Variants in VIT observed in about 807,000 individuals in gnomAD.
VIT encodes the protein vitrin.
In VIT, 99 loss-of-function variants were observed where a neutral mutation model predicts 78.0. The ratio of observed to expected loss-of-function variants is 1.27; its 90% CI spans 1.08 to 1.50. VIT has a LOEUF of 1.50. VIT is among the 40% of genes most tolerant of loss of function. VIT has a pLI of 0.00. For synonymous variants in VIT, 374 were observed against 334.3 expected, an observed-to-expected ratio of 1.12 and a Z score of -1.29; for missense variants, 1,126 against 875.3, an observed-to-expected ratio of 1.29 and a Z score of -3.61.
At chr2:36,779,473 G>C (rs1664585448) in intron 9 of VIT, among the ~76,000 whole-genome samples, 1 of 152,164 alleles carries the variant, frequency 6.6e-6, no homozygotes, top group Admixed American at 6.5e-5. Flanking sequence ...TTTCCAACTT[G>C]TATTCTAAGC....
intron 2 of VIT, among the ~76,000 whole-genome samples, chr2:36,724,462 A>T (rs1488140963): frequency 6.6e-6 from 1 of 152,182 alleles, no homozygotes; most frequent in Non-Finnish European, 1.5e-5. Context: ...TAGGAAAACG[A>T]ACACAAGACT....
At chr2:36,735,021 G>A (rs374401810) in intron 3 of VIT, among the ~76,000 whole-genome samples, 27 of 152,042 alleles carry the variant, frequency 1.8e-4, no homozygotes, top group East Asian at 7.7e-4. Flanking sequence ...AAAATTTGCC[G>A]GGCGTGGTGG....
intron 6 of VIT, among the ~76,000 whole-genome samples, chr2:36,766,177 T>A (rs1669417571): frequency 6.6e-6 from 1 of 152,084 alleles, no homozygotes; most frequent in African/African-American, 2.4e-5. Flanking sequence ...ACTACAGCGG[T>A]GTTTAAAAGG....
chr2:36,780,611 A>C (rs1664681964), intron 9 of VIT, among the ~76,000 whole-genome samples: 1 of 152,194 alleles, frequency 6.6e-6, no homozygotes, highest in East Asian at 1.9e-4. Context: ...ACTAGATTAA[A>C]CTCAGGTCTC....
chr2:36,813,037 A>T (rs1298107628), intron 15 of VIT, among the ~76,000 whole-genome samples: 1 of 14,512 alleles, frequency 6.9e-5, no homozygotes, highest in African/African-American at 1.6e-4. Context: ...AATTTTTTGC[A>T]AAAAAAAAAA....
chr2:36,735,973 T>C (rs981210261), intron 3 of VIT, among the ~76,000 whole-genome samples: 10 of 152,196 alleles, frequency 6.6e-5, no homozygotes, highest in Non-Finnish European at 1.5e-4. Context: ...GAAACGTAAG[T>C]TAATGACTTA....
At chr2:36,743,391 T>G in intron 4 of VIT, 135 bp downstream of exon 4, 2 of 1,022,614 alleles carry the variant, frequency 2.0e-6, no homozygotes, top group Non-Finnish European at 1.3e-6. Flanking sequence ...TTAATCTTCA[T>G]TTAAAAAGTG....
chr2:36,728,435 T>C (rs1321208943), intron 2 of VIT, among the ~76,000 whole-genome samples: 1 of 152,110 alleles, frequency 6.6e-6, no homozygotes, highest in Non-Finnish European at 1.5e-5. Context: ...AGCTAAGCGT[T>C]ATTACAAAAG....
intron 13 of VIT, among the ~76,000 whole-genome samples, chr2:36,803,410 G>A (rs1666471555): frequency 6.6e-6 from 1 of 152,204 alleles, no homozygotes; most frequent in South Asian, 2.1e-4. Flanking sequence ...CTGGAAGGTG[G>A]ATGGAATGTG....
At chr2:36,774,118 TACAG>T (rs1384978358) in intron 8 of VIT, among the ~76,000 whole-genome samples, 1 of 152,148 alleles carries the variant, frequency 6.6e-6, no homozygotes. Flanking sequence ...ACCGGGCTCT[TACAG>T]ACCTGAAAAG....
At chr2:36,808,354 C>T in intron 14 of VIT, 118 bp from the exon 15 acceptor site, 1 of 1,342,470 alleles carries the variant, frequency 7.4e-7, no homozygotes, top group Non-Finnish European at 1.0e-6. Context: ...GGTAGGAGGG[C>T]TAGTGCAGAA....
At chr2:36,721,745 C>T (rs531384324) in intron 2 of VIT, among the ~76,000 whole-genome samples, 1 of 152,310 alleles carries the variant, frequency 6.6e-6, no homozygotes, top group African/African-American at 2.4e-5. Context: ...ACCTACAAGC[C>T]TTTGAACATG....
chr2:36,773,968 C>A, intron 8 of VIT, 121 bp downstream of exon 8: 2 of 988,588 alleles, frequency 2.0e-6, no homozygotes, highest in South Asian at 3.3e-5. Context: ...CCACTTAGGC[C>A]AACAGAAGAT....
chr2:36,720,795 G>T (rs1666456631), intron 2 of VIT, among the ~76,000 whole-genome samples: 1 of 152,112 alleles, frequency 6.6e-6, no homozygotes, highest in African/African-American at 2.4e-5. Flanking sequence ...GATCACCTGA[G>T]GTCAGGAGTT....
intron 5 of VIT, among the ~76,000 whole-genome samples, chr2:36,757,222 C>A (rs1023486077): frequency 6.6e-6 from 1 of 152,184 alleles, no homozygotes; most frequent in Non-Finnish European, 1.5e-5. Flanking sequence ...CAGGTGCCAC[C>A]ATGATCTTTC....
At chr2:36,728,159 G>C (rs970273895) in intron 2 of VIT, among the ~76,000 whole-genome samples, 2 of 152,098 alleles carry the variant, frequency 1.3e-5, no homozygotes, top group African/African-American at 4.8e-5. Flanking sequence ...TCAAACTCCT[G>C]ACCTCAGGCG....
chr2:36,703,413 T>C (rs1468839958), intron 1 of VIT, among the ~76,000 whole-genome samples: 1 of 135,782 alleles, frequency 7.4e-6, no homozygotes, highest in African/African-American at 2.7e-5. Context: ...CTTTGGAACA[T>C]GGAAGTGGTT....
chr2:36,784,717 C>G (rs990791852), intron 11 of VIT, among the ~76,000 whole-genome samples: 1 of 152,240 alleles, frequency 6.6e-6, no homozygotes, highest in African/African-American at 2.4e-5. Flanking sequence ...TCTTCCTTGA[C>G]TTTCAACCTC....
chr2:36,707,593 C>G (rs12469190), intron 1 of VIT, among the ~76,000 whole-genome samples: 44,916 of 151,910 alleles, frequency 0.3, 6,947 homozygotes, highest in Non-Finnish European at 0.35. Context: ...TGGGATCTGC[C>G]CGGGAGCTGT....
Sources: gnomAD v4.1 joint callset for allele counts (sites outside exome capture counted in the v4.1 genomes callset) on GRCh38, gnomAD v4.1.1 for gene constraint, MANE v1.5 for transcripts, NCBI Gene and HGNC (gene_info 2026-07-23, HGNC 2026-07-21) for gene names.